The following DNAH10 variants were observed in gnomAD, a reference collection of about 807,000 sequenced individuals.
DNAH10 encodes the protein dynein axonemal heavy chain 10.
In DNAH10, 348 loss-of-function variants were observed where a neutral mutation model predicts 506.6. That is an observed-to-expected ratio of 0.69 (90% CI 0.63 to 0.75). The LOEUF is 0.75. DNAH10 is among the 30% of genes least tolerant of loss of function. The probability of loss-of-function intolerance (pLI) is 0.00; values close to 1 mark genes in which losing one functional copy is unlikely to be tolerated. For synonymous variants in DNAH10, 2,059 were observed against 2,198.6 expected, an observed-to-expected ratio of 0.94 and a Z score of 1.78; for missense variants, 5,179 against 5,787.1, an observed-to-expected ratio of 0.89 and a Z score of 3.41.
At chr12:123,915,070 C>T in intron 62 of DNAH10, 71 bp downstream of exon 62, 2 of 1,499,040 alleles carry the variant, frequency 1.3e-6, no homozygotes, top group Non-Finnish European at 1.8e-6. Flanking sequence ...CTCCCGCCTC[C>T]TGTACGTGGC....
intron 17 of DNAH10, among the ~76,000 whole-genome samples, chr12:123,804,544 A>T (rs982267807): frequency 1.3e-5 from 2 of 151,458 alleles, no homozygotes; most frequent in Non-Finnish European, 2.9e-5. Flanking sequence ...AAAAAAAAAG[A>T]TACTTTAAGT....
At chr12:123,777,706 C>T (rs1957492146) in intron 5 of DNAH10, among the ~76,000 whole-genome samples, 1 of 152,102 alleles carries the variant, frequency 6.6e-6, no homozygotes, top group Admixed American at 6.6e-5. Flanking sequence ...AGTGCAGTGG[C>T]GCGAGCATGG....
chr12:123,820,595 G>A lies in DNAH10; in HGVS notation c.4016G>A (p.Gly1339Asp), dbSNP rs769056588. ...TATTTACTAGGAGTAGAGCTTTTAG[G>A]TGTTTATGAAAGAGAGCTGGCAAGA... ...DDLDKGVELL[G>D]VYERELARHE... Residue 1339 changes from glycine (G) to aspartate (D), a missense_variant, in exon 24 of 79, where the codon GGT becomes GAT. Physicochemically the swap from Gly to Asp is moderately conservative, Grantham distance 94. Transcript: ENST00000673944. The A allele has an allele frequency of 3.7e-6, 6 of 1,613,818 alleles. No individual in the cohort carries two copies. The highest frequency in any genetic ancestry group is 1.6e-4 in the Middle Eastern group (1 of 6,062).
intron 51 of DNAH10, among the ~76,000 whole-genome samples, chr12:123,885,693 A>G (rs1203849400): frequency 6.6e-6 from 1 of 152,190 alleles, no homozygotes; most frequent in Non-Finnish European, 1.5e-5. Context: ...TCACCCCACC[A>G]CAAAGGATTA....
chr12:123,772,821 C>T lies in DNAH10; in HGVS notation c.397-13C>T. 2.5e-6 allele frequency: 4 copies of T among 1,578,378 alleles called. No individual in the cohort carries two copies. Among genetic ancestry groups the T allele is most frequent in the Non-Finnish European group, 2.6e-6 (3 of 1,161,424 alleles). Reference sequence around the variant, plus strand: ...ATCACAAGAATGAATGGTTTTTGTTCCCCATGTTTCAGAGAACTGCGAAGC... The same window carrying T: ...ATCACAAGAATGAATGGTTTTTGTTTCCCATGTTTCAGAGAACTGCGAAGC... On this transcript the variant is annotated splice_polypyrimidine_tract_variant and intron_variant, in intron 3 of 78. Transcript: ENST00000673944.
intron 72 of DNAH10, 102 bp downstream of exon 72, chr12:123,929,861 C>G (rs1249890599): frequency 1.0e-6 from 1 of 970,792 alleles, no homozygotes; most frequent in African/African-American, 1.6e-5. Context: ...GCCTCTTCTG[C>G]CCCTGTGTTC....
intron 45 of DNAH10, among the ~76,000 whole-genome samples, chr12:123,872,405 C>T (rs546451775): frequency 2.0e-5 from 3 of 152,210 alleles, no homozygotes; most frequent in Non-Finnish European, 2.9e-5. Context: ...ACTAGGAAGC[C>T]GCATTTGGGA....
chr12:123,817,826 AC>A (rs1959172914), intron 21 of DNAH10, among the ~76,000 whole-genome samples: 1 of 152,224 alleles, frequency 6.6e-6, no homozygotes, highest in Non-Finnish European at 1.5e-5. Context: ...TCTAACAGAC[AC>A]CATAACTGGG....
rs757979699 is a variant in DNAH10 at position 123,931,470 on chromosome 12, C to T, written c.12914C>T (p.Thr4305Ile). 2.5e-6 allele frequency: 4 copies of T among 1,613,484 alleles called. No homozygotes were observed. The South Asian group carries it at 4.4e-5, about 18-fold the overall frequency. ...CACCTGCTGGAGCTGCAGCCTCAGA[C>T]AGGTAAACTCTACTCAGGAGGACTT... Reference protein sequence around the residue: ...WAHLLELQPQTGESSSGISRD... With the variant: ...WAHLLELQPQIGESSSGISRD... The change falls in exon 74 of 79, where the codon ACA (threonine) becomes ATA (isoleucine). Residue 4305 changes from threonine to isoleucine, a missense_variant and splice_region_variant. Thr to Ile is a moderately conservative substitution (Grantham distance 89). Transcript: ENST00000673944.
intron 49 of DNAH10, 118 bp from the exon 50 acceptor site, chr12:123,879,516 C>T (rs1952408322): frequency 6.6e-7 from 1 of 1,506,058 alleles, no homozygotes; most frequent in Admixed American, 2.0e-5. Context: ...CTTGCAGCAA[C>T]TGAAAAAAAA....
intron 11 of DNAH10, among the ~76,000 whole-genome samples, chr12:123,791,208 G>A (rs1958067176): frequency 6.6e-6 from 1 of 152,156 alleles, no homozygotes; most frequent in African/African-American, 2.4e-5. Flanking sequence ...CTACAGTATA[G>A]GCTGCTTTGG....
In DNAH10 at chr12:123,818,930, T is replaced by G. The variant is rs568476253; in HGVS notation, c.3781-20T>G. The G allele has an allele frequency of 2.0e-6, 3 of 1,512,470 alleles. No individual in the cohort carries two copies. The East Asian group carries it at 6.9e-5, about 35-fold the overall frequency. The allele number at this position is 1,512,470 out of a possible 1,614,324, so 93.7% of individuals were successfully genotyped here. ...GCTCATCATTTGTTGTTTATTCTGTTTTTTGTTTCTCCTAATTAGCCTCCT... is the reference window on the plus strand; with the variant it reads ...GCTCATCATTTGTTGTTTATTCTGTGTTTTGTTTCTCCTAATTAGCCTCCT... On this transcript the variant is annotated intron_variant, in intron 21 of 78. Transcript: ENST00000673944.
chr12:123,853,417 G>A lies in DNAH10; in HGVS notation c.6438+65G>A. On this transcript the variant is annotated intron_variant, in intron 36 of 78. Transcript: ENST00000673944. This position sits in a 1 kb window ranked among gnomAD's most constrained non-coding sequence, Gnocchi z 4.7. The stretch of plus-strand genomic sequence containing the variant: ...CTTCAGGCATTTACTACGTGCCATT[G>A]GGGAGGTGATGGGCACAGTATGGTA... 1 of 1,551,950 alleles carries A rather than the reference G, an allele frequency of 6.4e-7. No homozygotes were observed. The highest frequency in any genetic ancestry group is 8.7e-7 in the Non-Finnish European group (1 of 1,147,938).
Position 123,909,181 on chromosome 12 carries a change from C to A in DNAH10, c.9816-80C>A, listed in dbSNP as rs865984297. The A allele has an allele frequency of 1.9e-6, 3 of 1,540,176 alleles. No homozygotes were observed. Among genetic ancestry groups the A allele is most frequent in the Middle Eastern group, 2.3e-4 (1 of 4,396 alleles). Reference sequence around the variant, plus strand: ...CCAGGGACTGTCTTTTGGTTGAGCTCGTTTTTCTGGAGCTCTCTTTCAGGC... The same window carrying A: ...CCAGGGACTGTCTTTTGGTTGAGCTAGTTTTTCTGGAGCTCTCTTTCAGGC... On this transcript the variant is annotated intron_variant, in intron 57 of 78. Coordinates refer to ENST00000673944, the MANE Select transcript of DNAH10 (RefSeq NM_001372106.1). This position sits in a 1 kb window ranked among gnomAD's most constrained non-coding sequence, Gnocchi z 5.4.
At chr12:123,923,692 T>C (rs1285399218) in intron 65 of DNAH10, 71 bp from the exon 66 acceptor site, 2 of 1,003,372 alleles carry the variant, frequency 2.0e-6, no homozygotes, top group Non-Finnish European at 3.0e-6. Flanking sequence ...TTAAGCACAG[T>C]GTGCATAAGA....
At chr12:123,923,497 A>G (rs1954816142) in intron 65 of DNAH10, 2 of 287,028 alleles carry the variant, frequency 7.0e-6, no homozygotes, top group South Asian at 1.6e-4. Flanking sequence ...TCCTCTTCCC[A>G]GGTTGGTGTG....
Position 123,875,949 on chromosome 12 carries a change from G to A in DNAH10, c.8199+458G>A, listed in dbSNP as rs563875905. ...TGGGAGGATGAAAGGAGAGAAATGC[G>A]TGTAAAGGGTGCCTAGTGCACACTG... On this transcript the variant is annotated intron_variant, in intron 47 of 78. Coordinates refer to ENST00000673944, the MANE Select transcript of DNAH10 (RefSeq NM_001372106.1). 3.0e-4 allele frequency among the ~76,000 whole-genome samples: 45 copies of A among 152,332 alleles called. 1 individual carries two copies. Among genetic ancestry groups the A allele is most frequent in the African/African-American group, 9.6e-4 (40 of 41,576 alleles).
Position 123,913,059 on chromosome 12 carries a change from G to A in DNAH10, c.10135-39G>A. 2 of 1,567,274 alleles carry A rather than the reference G, an allele frequency of 1.3e-6. No individual in the cohort carries two copies. Among genetic ancestry groups the A allele is most frequent in the Non-Finnish European group, 1.7e-6 (2 of 1,155,210 alleles). On this transcript the variant is annotated intron_variant, in intron 59 of 78. Transcript: ENST00000673944. The surrounding 1 kb of genome is among the most constrained non-coding windows in gnomAD (Gnocchi z 5.1). ...GCCATGGGATCGCGGCCCCACCACG[G>A]TCCTTTTCCCCATCTTTTTGCAAAT...
Position 123,898,640 on chromosome 12 carries a change from C to T in DNAH10, c.9479-13C>T, listed in dbSNP as rs1467376232. 1 of 1,517,092 alleles carries T rather than the reference C, an allele frequency of 6.6e-7. No homozygotes were observed. Among genetic ancestry groups the T allele is most frequent in the East Asian group, 2.5e-5 (1 of 40,456 alleles). 94.0% of individuals were successfully genotyped at this position (1,517,092 alleles called of 1,614,324 possible). A position where few individuals can be genotyped will look rare whatever the true frequency, so the allele number is the denominator to read the frequency against. On this transcript the variant is annotated splice_polypyrimidine_tract_variant and intron_variant, in intron 55 of 78. Coordinates refer to ENST00000673944, the MANE Select transcript of DNAH10 (RefSeq NM_001372106.1). Reference sequence around the variant, plus strand: ...CCACCTCGACGATGAACATAGGTGCCCTCTTTCCTCAGCTCAGTGCAAGCG... The same window carrying T: ...CCACCTCGACGATGAACATAGGTGCTCTCTTTCCTCAGCTCAGTGCAAGCG...
Sources: allele counts gnomAD v4.1 joint callset (sites outside exome capture counted in the v4.1 genomes callset), GRCh38; gene constraint gnomAD v4.1.1; non-coding constraint Gnocchi (gnomAD v3.1); transcripts MANE v1.5; gene names NCBI Gene and HGNC (gene_info 2026-07-23, HGNC 2026-07-21).